The following CPNE5 variants were observed in gnomAD, a reference collection of about 807,000 sequenced individuals.
CPNE5 encodes the protein copine 5.
In CPNE5, 42 loss-of-function variants were observed where a neutral mutation model predicts 81.1. That is an observed-to-expected ratio of 0.52 (90% CI 0.40 to 0.67). The LOEUF is 0.67. Ranked by LOEUF, CPNE5 falls within the 30% of genes least tolerant of loss-of-function variation. The probability of loss-of-function intolerance (pLI) is 0.00; values close to 1 mark genes in which losing one functional copy is unlikely to be tolerated. For missense variants in CPNE5, 612 were observed against 815.5 expected, an observed-to-expected ratio of 0.75 and a Z score of 3.04; for synonymous variants, 313 against 321.5, an observed-to-expected ratio of 0.97 and a Z score of 0.28.
At chr6:36,812,242 A>G (rs1158475675) in intron 3 of CPNE5, among the ~76,000 whole-genome samples, 1 of 152,322 alleles carries the variant, frequency 6.6e-6, no homozygotes, top group African/African-American at 2.4e-5. Context: ...CAAAGCCAGG[A>G]TCCCTCTGAG....
Position 36,745,375 on chromosome 6 carries a change from C to T in CPNE5, c.1328+13G>A, listed in dbSNP as rs763164595. 6.2e-7 allele frequency: 1 copy of T among 1,600,416 alleles called. No individual in the cohort carries two copies. Among genetic ancestry groups the T allele is most frequent in the Admixed American group, 1.7e-5 (1 of 58,400 alleles). On this transcript the variant is annotated intron_variant, in intron 17 of 20. Coordinates refer to ENST00000244751, the MANE Select transcript of CPNE5 (RefSeq NM_020939.2). Reference sequence around the variant, plus strand: ...CCTTGTGAGTGCCTGGAGGCGGTGGCAGCGGCACTCACCTGGCCACGTGGG... The same window carrying T: ...CCTTGTGAGTGCCTGGAGGCGGTGGTAGCGGCACTCACCTGGCCACGTGGG...
intron 10 of CPNE5, among the ~76,000 whole-genome samples, chr6:36,768,592 A>G (rs1766789079): frequency 6.6e-6 from 1 of 152,126 alleles, no homozygotes; most frequent in Non-Finnish European, 1.5e-5. Context: ...TGCAGATGTC[A>G]CTTGTCACCT....
intron 11 of CPNE5, 102 bp downstream of exon 11, chr6:36,765,233 C>T: frequency 7.5e-7 from 1 of 1,330,984 alleles, no homozygotes; most frequent in Non-Finnish European, 1.1e-6. Context: ...CCCAGAGCCA[C>T]TGCGGGGGGG....
intron 9 of CPNE5, among the ~76,000 whole-genome samples, chr6:36,776,560 GGGAATGGGT>G (rs1767522930): frequency 6.6e-6 from 1 of 152,104 alleles, no homozygotes; most frequent in African/African-American, 2.4e-5. Context: ...ACAAGGAGTA[GGGAATGGGT>G]GGTCCCAGAG....
chr6:36,748,135 G>A, intron 15 of CPNE5, 86 bp downstream of exon 15: 1 of 1,219,756 alleles, frequency 8.2e-7, no homozygotes, highest in Non-Finnish European at 1.2e-6. Context: ...AGAGTATGAG[G>A]GTCATGGTCC....
At chr6:36,817,249 T>C (rs1469605971) in intron 3 of CPNE5, among the ~76,000 whole-genome samples, 1 of 152,122 alleles carries the variant, frequency 6.6e-6, no homozygotes. Context: ...CATTTGAACC[T>C]GGGAGGCAGA....
At chr6:36,778,802 AC>A in intron 9 of CPNE5, 51 bp downstream of exon 9, 1 of 1,268,520 alleles carries the variant, frequency 7.9e-7, no homozygotes, top group Non-Finnish European at 1.1e-6. Context: ...TCCGTCCTTG[AC>A]CCCAGAAGGG....
intron 4 of CPNE5, among the ~76,000 whole-genome samples, 170 bp from the exon 5 acceptor site, chr6:36,798,664 G>T (rs1769818504): frequency 1.3e-5 from 2 of 152,136 alleles, no homozygotes; most frequent in African/African-American, 4.8e-5. Flanking sequence ...TCTGGGTGCT[G>T]GACATGTTCT....
In CPNE5 at chr6:36,746,008, G is replaced by A. The variant is rs1377650286; in HGVS notation, c.1200+388C>T. On this transcript the variant is annotated intron_variant, in intron 16 of 20. Coordinates refer to ENST00000244751, the MANE Select transcript of CPNE5 (RefSeq NM_020939.2). The surrounding 1 kb of genome is among the most constrained non-coding windows in gnomAD (Gnocchi z 4.5). ...ACAGGGCCCGGGATGCCCAGATGAC[G>A]CCATGCTCCACATCACCCTGGAGAT... The A allele has an allele frequency of 4.7e-5, 11 of 231,886 alleles. No individual in the cohort carries two copies. The highest frequency in any genetic ancestry group is 7.1e-5 in the Non-Finnish European group (10 of 140,972). The allele number at this position is 231,886 out of a possible 1,614,324, so 14.4% of individuals were successfully genotyped here.
At chr6:36,749,100 C>CT (rs560623757) in intron 14 of CPNE5, among the ~76,000 whole-genome samples, 136 of 149,680 alleles carry the variant, frequency 9.1e-4, no homozygotes, top group Admixed American at 1.1e-3. Context: ...CCACACCTGG[C>CT]TTTTTTTTTT....
At chr6:36,791,156 CT>C (rs1365061069) in intron 8 of CPNE5, among the ~76,000 whole-genome samples, 1 of 152,170 alleles carries the variant, frequency 6.6e-6, no homozygotes, top group Non-Finnish European at 1.5e-5. Flanking sequence ...AGCCCCACCA[CT>C]TTCCCACTTT....
At chr6:36,801,191 A>G (rs540331604) in intron 3 of CPNE5, among the ~76,000 whole-genome samples, 1 of 152,366 alleles carries the variant, frequency 6.6e-6, no homozygotes, top group African/African-American at 2.4e-5. Context: ...CAATAATTGA[A>G]TCCCATTCAA....
intron 12 of CPNE5, among the ~76,000 whole-genome samples, chr6:36,756,957 G>A (rs75871609): frequency 0.03 from 4,557 of 152,304 alleles, 113 homozygotes; most frequent in Middle Eastern, 0.092. Flanking sequence ...CCCCAGGAAC[G>A]TTTGGTAACA....
intron 12 of CPNE5, among the ~76,000 whole-genome samples, chr6:36,761,680 T>G (rs1343156659): frequency 2.0e-5 from 3 of 152,202 alleles, no homozygotes; most frequent in Admixed American, 2.0e-4. Context: ...GACCTCTGGG[T>G]CAGGCATTGT....
At chr6:36,758,899 G>T (rs999517932) in intron 12 of CPNE5, among the ~76,000 whole-genome samples, 1 of 152,194 alleles carries the variant, frequency 6.6e-6, no homozygotes, top group Non-Finnish European at 1.5e-5. Flanking sequence ...ACTGGAGGAC[G>T]CCCCCTCCAC....
At chr6:36,793,906 CCA>C (rs1157494469) in intron 7 of CPNE5, among the ~76,000 whole-genome samples, 2 of 152,216 alleles carry the variant, frequency 1.3e-5, no homozygotes, top group Admixed American at 1.3e-4. Context: ...ACCCCCACCT[CCA>C]GCCCCAGTGG....
intron 10 of CPNE5, among the ~76,000 whole-genome samples, chr6:36,772,277 C>A (rs1002386330): frequency 6.6e-6 from 1 of 152,112 alleles, no homozygotes; most frequent in Admixed American, 6.5e-5. Flanking sequence ...TGCCCCTGTC[C>A]CCAGGATCCT....
chr6:36,778,068 T>G (rs1460895577), intron 9 of CPNE5, among the ~76,000 whole-genome samples: 1 of 152,166 alleles, frequency 6.6e-6, no homozygotes, highest in African/African-American at 2.4e-5. Context: ...GCCAGAATCA[T>G]GGTGCTTAAA....
At chr6:36,781,149 C>T (rs1370426413) in intron 8 of CPNE5, among the ~76,000 whole-genome samples, 1 of 152,122 alleles carries the variant, frequency 6.6e-6, no homozygotes, top group Non-Finnish European at 1.5e-5. Flanking sequence ...GTGCTGGAGA[C>T]AGAATGACCT....
Sources: gnomAD v4.1 joint callset for allele counts (sites outside exome capture counted in the v4.1 genomes callset) on GRCh38, gnomAD v4.1.1 for gene constraint, Gnocchi (gnomAD v3.1) non-coding constraint, MANE v1.5 for transcripts, NCBI Gene and HGNC (gene_info 2026-07-23, HGNC 2026-07-21) for gene names.